The following CCDC66 variants were observed in gnomAD, a reference collection of about 807,000 sequenced individuals.
The protein encoded by CCDC66 is coiled-coil domain containing 66.
CCDC66 carries 133 observed loss-of-function variants against 128.3 expected under a neutral mutation model. The ratio of observed to expected loss-of-function variants is 1.04; its 90% CI spans 0.90 to 1.20. CCDC66 has a LOEUF of 1.20. CCDC66 is among the 50% of genes most tolerant of loss of function. The pLI is 0.00. For missense variants in CCDC66, 1,126 were observed against 1,075.5 expected, an observed-to-expected ratio of 1.05 and a Z score of -0.66; for synonymous variants, 387 against 357.0, an observed-to-expected ratio of 1.08 and a Z score of -0.95.
chr3:56,594,295 G>GTTT (rs74266053), intron 10 of CCDC66, among the ~76,000 whole-genome samples: 2 of 145,146 alleles, frequency 1.4e-5, no homozygotes. Context: ...GTTAGTACTG[G>GTTT]TTTTTTTTTT....
In CCDC66 at chr3:56,618,210, A is replaced by G. The variant is rs1179140042; in HGVS notation, c.2376A>G (p.Glu792=). The change falls in exon 15 of 18, where the codon GAA becomes GAG. Residue 792 remains glutamate (E), a splice_region_variant and synonymous_variant. Coordinates refer to ENST00000394672, the MANE Select transcript of CCDC66 (RefSeq NM_001141947.3). ...TGAATATTCATTCATTCAGCAAGGA[A>G]AGGTAAGTATGCATCAGATTAATTC... The part of the protein sequence containing the change: ...EPLNIHSFSK[E]RSPSSPVPVV... 1.2e-6 allele frequency: 2 copies of G among 1,612,570 alleles called. No individual in the cohort carries two copies. Among genetic ancestry groups the G allele is most frequent in the Non-Finnish European group, 1.7e-6 (2 of 1,178,764 alleles).
At chr3:56,559,732 G>A (rs369357262) in intron 3 of CCDC66, 138 bp downstream of exon 3, 1 of 619,946 alleles carries the variant, frequency 1.6e-6, no homozygotes. Flanking sequence ...TTATTTTCTT[G>A]CTTTCAGATT....
At position 56,563,812 on chromosome 3, in the gene CCDC66, A is replaced by G; in HGVS notation, c.231A>G (p.Thr77=). The change falls in exon 4 of 18, where the codon ACA becomes ACG. Residue 77 remains threonine, a synonymous_variant. Transcript: ENST00000394672. ...AAAAGAAGCCAGTTGGTTCAGAAAC[A>G]TCACAGGCAAAAGGTGAAAAAAATG... ...LLQKKPVGSE[T]SQAKGEKNGM... is the part of the protein sequence containing the mutation. 6.4e-7 allele frequency: 1 copy of G among 1,554,614 alleles called. No homozygotes were observed. Among genetic ancestry groups the G allele is most frequent in the East Asian group, 2.4e-5 (1 of 41,054 alleles).
chr3:56,574,146 G>A (rs1194303534), intron 7 of CCDC66, among the ~76,000 whole-genome samples: 3 of 151,420 alleles, frequency 2.0e-5, no homozygotes, highest in South Asian at 2.1e-4. Context: ...GGCGGATCAC[G>A]AGGTCATGAG....
intron 10 of CCDC66, among the ~76,000 whole-genome samples, chr3:56,602,298 C>G (rs896149952): frequency 6.6e-6 from 1 of 152,042 alleles, no homozygotes; most frequent in African/African-American, 2.4e-5. Context: ...GATGAACCAG[C>G]CTTGCATCCC....
At chr3:56,603,131 G>A (rs563280596) in intron 10 of CCDC66, among the ~76,000 whole-genome samples, 1 of 151,594 alleles carries the variant, frequency 6.6e-6, no homozygotes, top group South Asian at 2.1e-4. Flanking sequence ...CACGGCACCC[G>A]GCCCCCTTTA....
chr3:56,579,440 G>A (rs1577436952), intron 7 of CCDC66, among the ~76,000 whole-genome samples: 1 of 151,510 alleles, frequency 6.6e-6, no homozygotes, highest in South Asian at 2.1e-4. Flanking sequence ...GTTATTTCTT[G>A]CCTTCTGCTA....
chr3:56,615,943 A>G lies in CCDC66; in HGVS notation c.1733A>G (p.Tyr578Cys), dbSNP rs543762687. The change falls in exon 13 of 18, where the codon TAT becomes TGT. Residue 578 changes from tyrosine to cysteine, a missense_variant. By Grantham distance (194) the Tyr-to-Cys change is radical. Coordinates refer to ENST00000394672, the MANE Select transcript of CCDC66 (RefSeq NM_001141947.3). ...CCAGTTGATACAATACAAATGGAAT[A>G]TAATGCATCTAACATTTCAAATTCA... ...NLGVDTIQMEYNASNISNSRH... is the reference protein window; with the variant it reads ...NLGVDTIQMECNASNISNSRH... 9 of 1,598,168 alleles carry G rather than the reference A, an allele frequency of 5.6e-6. No homozygotes were observed. Among genetic ancestry groups the G allele is most frequent in the Admixed American group, 1.7e-5 (1 of 58,416 alleles).
At position 56,566,773 on chromosome 3, in the gene CCDC66, A is replaced by G. The variant is rs770290829; in HGVS notation, c.710+14A>G. The G allele has an allele frequency of 3.7e-6, 6 of 1,601,690 alleles. No homozygotes were observed. The highest frequency in any genetic ancestry group is 2.2e-5 in the East Asian group (1 of 44,684). On this transcript the variant is annotated intron_variant, in intron 5 of 17. Transcript: ENST00000394672. ...AAAAATTGCCATGTATGTAACTCCTATCTGTTGTTATTGTGTGGTCATCTT... is the reference window on the plus strand; with the variant it reads ...AAAAATTGCCATGTATGTAACTCCTGTCTGTTGTTATTGTGTGGTCATCTT...
At chr3:56,604,357 G>A (rs2073737982) in intron 10 of CCDC66, among the ~76,000 whole-genome samples, 1 of 152,006 alleles carries the variant, frequency 6.6e-6, no homozygotes, top group Non-Finnish European at 1.5e-5. Context: ...AGTTGATGCA[G>A]TTTCTTCATA....
intron 10 of CCDC66, among the ~76,000 whole-genome samples, chr3:56,606,556 T>C (rs1334446447): frequency 6.6e-6 from 1 of 151,894 alleles, no homozygotes; most frequent in Non-Finnish European, 1.5e-5. Context: ...CCTTTGCACT[T>C]TCTGGGTTGA....
At chr3:56,586,012 A>G (rs1386086176) in intron 7 of CCDC66, among the ~76,000 whole-genome samples, 1 of 151,930 alleles carries the variant, frequency 6.6e-6, no homozygotes, top group Admixed American at 6.6e-5. Context: ...ACTTTAAAAG[A>G]CTAGTACATA....
intron 1 of CCDC66, 40 bp from the exon 2 acceptor site, chr3:56,558,806 T>C: frequency 7.4e-7 from 1 of 1,348,970 alleles, no homozygotes; most frequent in Non-Finnish European, 1.0e-6. Context: ...AATGTTGCGG[T>C]TTGTTAAAAA....
chr3:56,617,829 A>G lies in CCDC66; in HGVS notation c.2337+224A>G, dbSNP rs942850932. On this transcript the variant is annotated intron_variant, in intron 14 of 17. Coordinates refer to ENST00000394672, the MANE Select transcript of CCDC66 (RefSeq NM_001141947.3). Reference sequence around the variant, plus strand: ...GAATTGTCTGTGGCTGACTTCACACACCAGACTAGCAACAGAAACAATATG... The same window carrying G: ...GAATTGTCTGTGGCTGACTTCACACGCCAGACTAGCAACAGAAACAATATG... 13 of 589,842 alleles carry G rather than the reference A, an allele frequency of 2.2e-5. No individual in the cohort carries two copies. In the Admixed American group the frequency reaches 3.1e-4, roughly 14 times the overall value. The allele number at this position is 589,842 out of a possible 1,614,324, so 36.5% of individuals were successfully genotyped here.
chr3:56,582,001 C>T (rs1397011721), intron 7 of CCDC66, among the ~76,000 whole-genome samples: 1 of 151,916 alleles, frequency 6.6e-6, no homozygotes, highest in African/African-American at 2.4e-5. Context: ...CAGCTATGCC[C>T]TGCCCCCAGA....
intron 12 of CCDC66, among the ~76,000 whole-genome samples, chr3:56,615,683 G>A (rs1157125265): frequency 6.6e-6 from 1 of 152,134 alleles, no homozygotes; most frequent in African/African-American, 2.4e-5. Context: ...GTTAAAATGT[G>A]TTAATGTTAA....
chr3:56,573,106 C>G (rs1180130582), intron 7 of CCDC66, among the ~76,000 whole-genome samples: 1 of 152,110 alleles, frequency 6.6e-6, no homozygotes, highest in African/African-American at 2.4e-5. Context: ...TTTCAGTTGC[C>G]AAATTTTCAG....
intron 10 of CCDC66, among the ~76,000 whole-genome samples, chr3:56,595,638 A>G (rs1577712183): frequency 6.6e-6 from 1 of 152,128 alleles, no homozygotes; most frequent in South Asian, 2.1e-4. Context: ...TTGTTTATCT[A>G]TTTGTTCATC....
At chr3:56,566,238 C>A (rs1207936210) in intron 4 of CCDC66, among the ~76,000 whole-genome samples, 2 of 152,128 alleles carry the variant, frequency 1.3e-5, no homozygotes, top group Admixed American at 1.3e-4. Flanking sequence ...CATCCTCCCA[C>A]CTCAGTGTCC....
Sources: gnomAD v4.1 joint callset for allele counts (sites outside exome capture counted in the v4.1 genomes callset) on GRCh38, gnomAD v4.1.1 for gene constraint, MANE v1.5 for transcripts, NCBI Gene and HGNC (gene_info 2026-07-23, HGNC 2026-07-21) for gene names.